Variants in RFFL observed in about 807,000 individuals in gnomAD.
RFFL encodes the protein E3 ubiquitin-protein ligase rififylin.
Under a neutral mutation model 40.4 loss-of-function variants are expected in RFFL, and 16 were observed. The observed-to-expected ratio is 0.40, with a 90% confidence interval of 0.27 to 0.60. The LOEUF is 0.60. RFFL is among the 20% of genes least tolerant of loss of function. The probability of loss-of-function intolerance (pLI) is 0.47; values close to 1 mark genes in which losing one functional copy is unlikely to be tolerated. For synonymous variants in RFFL, 154 were observed against 167.9 expected (o/e 0.92, Z 0.64); for missense variants, 367 against 451.7 (o/e 0.81, Z 1.70).
At chr17:35,082,915 T>C (rs2091409533) in intron 1 of RFFL, among the ~76,000 whole-genome samples, 1 of 152,152 alleles carries the variant, frequency 6.6e-6, no homozygotes, top group Non-Finnish European at 1.5e-5. Context: ...GGTTTGTCTA[T>C]ACAAACAAAC....
chr17:35,027,467 G>A (rs2091049741), intron 1 of RFFL, among the ~76,000 whole-genome samples: 2 of 152,086 alleles, frequency 1.3e-5, no homozygotes, highest in Non-Finnish European at 2.9e-5. Flanking sequence ...GCTCACGCCT[G>A]TAATCCCAGC....
At chr17:35,088,536 C>A (rs2091442308) in intron 1 of RFFL, among the ~76,000 whole-genome samples, 1 of 152,212 alleles carries the variant, frequency 6.6e-6, no homozygotes, top group African/African-American at 2.4e-5. Context: ...GTCTTGACCG[C>A]TGCCGCACAG....
rs573944111 is a variant in RFFL, at chr17:35,011,113, AAGG to A, written c.*852_*854del. 6.6e-6 allele frequency: 1 copy of A among 152,354 alleles called. No homozygotes were observed. The highest frequency in any genetic ancestry group is 2.1e-4 in the South Asian group (1 of 4,826). The allele number at this position is 152,354 out of a possible 1,614,324, so 9.4% of individuals were successfully genotyped here. ...AAGGATCAGAAGCCAAGCCAAAATT[AAGG>A]AGAAGGCCACTGCCTCCACCCATTG... On this transcript the variant is annotated 3_prime_UTR_variant, in exon 7 of 7. Transcript: ENST00000394597.
rs1274636982 is a variant in RFFL at position 35,009,668 on chromosome 17, G to A, written c.*2300C>T. On this transcript the variant is annotated 3_prime_UTR_variant, in exon 7 of 7. Coordinates refer to ENST00000394597, the MANE Select transcript of RFFL (RefSeq NM_001017368.2). ...CCAAAAGGGGATAAAAGATTTAAAGGCAAAATGAGTAAACAACCTCAGTTT... is the reference window on the plus strand; with the variant it reads ...CCAAAAGGGGATAAAAGATTTAAAGACAAAATGAGTAAACAACCTCAGTTT... The A allele has an allele frequency of 6.6e-6, 1 of 151,838 alleles. No individual in the cohort carries two copies. The highest frequency in any genetic ancestry group is 1.5e-5 in the Non-Finnish European group (1 of 67,998). The allele number at this position is 151,838 out of a possible 1,614,324, so 9.4% of individuals were successfully genotyped here. A position where few individuals can be genotyped will look rare whatever the true frequency, so the allele number is the denominator to read the frequency against.
intron 1 of RFFL, among the ~76,000 whole-genome samples, chr17:35,086,924 C>G (rs1481526780): frequency 6.6e-6 from 1 of 152,206 alleles, no homozygotes; most frequent in Non-Finnish European, 1.5e-5. Flanking sequence ...TTAGGCATGA[C>G]GCTCATAGAG....
upstream of RFFL, among the ~76,000 whole-genome samples, chr17:35,064,395 T>G (rs2091310186): frequency 6.6e-6 from 1 of 152,170 alleles, no homozygotes; most frequent in Admixed American, 6.5e-5. Flanking sequence ...AAAATCACCT[T>G]AACACTTGCT....
chr17:35,038,955 C>CTGGA (rs1420435434), intron 1 of RFFL, among the ~76,000 whole-genome samples: 1 of 152,206 alleles, frequency 6.6e-6, no homozygotes, highest in Non-Finnish European at 1.5e-5. Context: ...GTTGCTCAGG[C>CTGGA]TGGAGTGCAG....
chr17:35,028,826 T>C (rs1365100883), intron 1 of RFFL, among the ~76,000 whole-genome samples: 1 of 151,900 alleles, frequency 6.6e-6, no homozygotes, highest in African/African-American at 2.4e-5. Flanking sequence ...CCTCTTCACT[T>C]CTCTAGGTCC....
chr17:35,082,180 C>A (rs1478813120), intron 1 of RFFL, among the ~76,000 whole-genome samples: 1 of 152,084 alleles, frequency 6.6e-6, no homozygotes, highest in African/African-American at 2.4e-5. Context: ...GTGTTAGCAA[C>A]CAGAAACCTC....
intron 1 of RFFL, among the ~76,000 whole-genome samples, chr17:35,054,590 T>C (rs1375690155): frequency 7.2e-6 from 1 of 139,522 alleles, no homozygotes; most frequent in Non-Finnish European, 1.5e-5. Context: ...TATAGAAAAA[T>C]CAGAAGACTT....
At position 35,015,467 on chromosome 17, in the gene RFFL, A is replaced by G. The variant is rs376545258; in HGVS notation, c.887-704T>C. On this transcript the variant is annotated intron_variant, in intron 5 of 6. Coordinates refer to ENST00000394597, the MANE Select transcript of RFFL (RefSeq NM_001017368.2). The stretch of plus-strand genomic sequence containing the variant: ...CATCTGTTCTGTTCCCCAGGTCCTG[A>G]CGACTGGAGAGAAGACTCTTGAAAC... Among the ~76,000 whole-genome samples the G allele has an allele frequency of 1.4e-3, 213 of 152,356 alleles. 1 individual carries two copies. The highest frequency in any genetic ancestry group is 5.1e-3 in the African/African-American group (210 of 41,576).
rs1355885068 is a variant in RFFL at position 35,006,556 on chromosome 17, T to C, written c.*5412A>G. On this transcript the variant is annotated 3_prime_UTR_variant, in exon 7 of 7. Coordinates refer to ENST00000394597, the MANE Select transcript of RFFL (RefSeq NM_001017368.2). ...ACATAGTTATCTAGAGTTGGGAACG[T>C]CACTCCTGGTGTGCATGTCCAGACC... 1 of 152,234 alleles carries C rather than the reference T, an allele frequency of 6.6e-6. No homozygotes were observed. The highest frequency in any genetic ancestry group is 2.4e-5 in the African/African-American group (1 of 41,430). The allele number at this position is 152,234 out of a possible 1,614,324, so 9.4% of individuals were successfully genotyped here. A position where few individuals can be genotyped will look rare whatever the true frequency, so the allele number is the denominator to read the frequency against.
chr17:35,036,908 G>A (rs746225177), intron 1 of RFFL, among the ~76,000 whole-genome samples: 1 of 152,182 alleles, frequency 6.6e-6, no homozygotes, highest in South Asian at 2.1e-4. Flanking sequence ...GAAGGGGAGA[G>A]AGGAGTAGAA....
At chr17:35,065,757 A>G (rs2091317881), upstream of RFFL, among the ~76,000 whole-genome samples, 1 of 152,074 alleles carries the variant, frequency 6.6e-6, no homozygotes, top group African/African-American at 2.4e-5. Context: ...GTTTTAACCA[A>G]CTGCCCCAAA....
chr17:35,036,192 T>C (rs879662849), intron 1 of RFFL: 2 of 152,226 alleles, frequency 1.3e-5, no homozygotes, highest in Non-Finnish European at 2.9e-5. Context: ...TTGGGAATAT[T>C]TTTTTCATTC....
intron 1 of RFFL, among the ~76,000 whole-genome samples, chr17:35,084,365 G>A (rs950102836): frequency 1.1e-4 from 16 of 150,428 alleles, no homozygotes; most frequent in African/African-American, 2.0e-4. Flanking sequence ...AGGCCAAGGC[G>A]GGCAGATCAC....
chr17:35,089,188 G>A (rs1307958316), exon 1 of RFFL: 2 of 152,108 alleles, frequency 1.3e-5, no homozygotes, highest in Non-Finnish European at 1.5e-5. Flanking sequence ...CCTCAGGCAG[G>A]GAGGCTGCGG....
chr17:35,073,330 C>T (rs372327727), intron 1 of RFFL, among the ~76,000 whole-genome samples: 7 of 152,312 alleles, frequency 4.6e-5, no homozygotes, highest in African/African-American at 1.4e-4. Flanking sequence ...AATGAACTCT[C>T]ACTGCAATTT....
chr17:35,056,253 G>A (rs2091260490), intron 1 of RFFL, among the ~76,000 whole-genome samples: 1 of 151,952 alleles, frequency 6.6e-6, no homozygotes, highest in South Asian at 2.1e-4. Context: ...TGACATCAAT[G>A]ACCACTCTTG....
Sources: allele counts gnomAD v4.1 joint callset (sites outside exome capture counted in the v4.1 genomes callset), GRCh38; gene constraint gnomAD v4.1.1; transcripts MANE v1.5; gene names NCBI Gene and HGNC (gene_info 2026-07-23, HGNC 2026-07-21).